The following CIRSR variants were observed in gnomAD, a reference collection of about 807,000 sequenced individuals.
CIRSR encodes the protein corepressor of RBPJ and splicing regulator.
chr2:174,380,625 T>G, the CIRSR span: 2 of 1,594,422 alleles, frequency 1.3e-6, no homozygotes, highest in South Asian at 1.1e-5. Context: ...ATACATATCT[T>G]GTCTTAAAAG....
At chr2:174,368,506 T>C in the CIRSR span, among the ~76,000 whole-genome samples, 1 of 152,160 alleles carries the variant, frequency 6.6e-6, no homozygotes. Context: ...AAGAGAAAGT[T>C]AAAAAATATA....
chr2:174,348,945 TGC>T, the CIRSR span: 1 of 1,606,662 alleles, frequency 6.2e-7, no homozygotes. Context: ...ACTGTTGTTA[TGC>T]CCTGAACACT....
At chr2:174,363,125 A>G in the CIRSR span, among the ~76,000 whole-genome samples, 1 of 152,206 alleles carries the variant, frequency 6.6e-6, no homozygotes, top group East Asian at 1.9e-4. Context: ...CCAAGCCTAC[A>G]TGGGAAAATA....
chr2:174,370,000 T>C, the CIRSR span: 1 of 1,365,394 alleles, frequency 7.3e-7, no homozygotes, highest in Non-Finnish European at 9.8e-7. Flanking sequence ...AAACCTTCAA[T>C]TTGTAACACA....
the CIRSR span, among the ~76,000 whole-genome samples, chr2:174,357,800 G>A: frequency 2.0e-5 from 3 of 152,140 alleles, no homozygotes; most frequent in African/African-American, 7.2e-5. Context: ...TAAAAAAGGG[G>A]CTCAGTAGGA....
the CIRSR span, among the ~76,000 whole-genome samples, chr2:174,351,385 T>C: frequency 1.3e-5 from 2 of 152,204 alleles, no homozygotes; most frequent in African/African-American, 4.8e-5. Context: ...AGTTAGATAT[T>C]TTATCCACAT....
the CIRSR span, among the ~76,000 whole-genome samples, chr2:174,356,382 C>T: frequency 2.0e-5 from 3 of 152,072 alleles, no homozygotes; most frequent in East Asian, 5.8e-4. Context: ...GTGGGAGGAT[C>T]ACTTGAACAC....
chr2:174,355,433 C>G, the CIRSR span, among the ~76,000 whole-genome samples: 1 of 152,174 alleles, frequency 6.6e-6, no homozygotes, highest in Non-Finnish European at 1.5e-5. Context: ...TCATCTCAGC[C>G]AAGCCTTCAC....
At chr2:174,395,500 T>TG in the CIRSR span, 88 of 1,555,062 alleles carry the variant, frequency 5.7e-5, 1 homozygote, top group South Asian at 9.4e-4. Context: ...CAGCAGCCTC[T>TG]GGGAAGGCGG....
At chr2:174,368,807 G>A in the CIRSR span, among the ~76,000 whole-genome samples, 1 of 152,194 alleles carries the variant, frequency 6.6e-6, no homozygotes, top group African/African-American at 2.4e-5. Flanking sequence ...CTTTTCTCCT[G>A]AGCAGCAATT....
chr2:174,362,535 T>C, the CIRSR span, among the ~76,000 whole-genome samples: 9 of 148,280 alleles, frequency 6.1e-5, no homozygotes, highest in East Asian at 1.9e-3. Context: ...AAATCTTAAT[T>C]AGCCAGGCGT....
At chr2:174,369,926 A>G in the CIRSR span, 1 of 1,344,288 alleles carries the variant, frequency 7.4e-7, no homozygotes, top group Non-Finnish European at 9.9e-7. Flanking sequence ...TGACCCAGAG[A>G]CAAAGTAAGC....
At chr2:174,395,636 C>A in the CIRSR span, 2 of 1,614,190 alleles carry the variant, frequency 1.2e-6, no homozygotes, top group Non-Finnish European at 1.7e-6. Context: ...GGAACTGGAA[C>A]TAGGGAAAGC....
At chr2:174,392,846 A>C in the CIRSR span, among the ~76,000 whole-genome samples, 1 of 152,230 alleles carries the variant, frequency 6.6e-6, no homozygotes, top group Non-Finnish European at 1.5e-5. Flanking sequence ...GCAAATGTCT[A>C]GTAGATAGCT....
chr2:174,385,215 CAAA>C, the CIRSR span, among the ~76,000 whole-genome samples: 37 of 94,102 alleles, frequency 3.9e-4, no homozygotes, highest in Admixed American at 3.2e-3. Context: ...ACCTTCCTCT[CAAA>C]AAAAAAAAAA....
chr2:174,350,788 A>G, the CIRSR span: 1 of 1,388,522 alleles, frequency 7.2e-7, no homozygotes, highest in South Asian at 1.3e-5. Flanking sequence ...ATTTCAACAC[A>G]AGGTAGTTAG....
At chr2:174,383,277 ACTG>A in the CIRSR span, among the ~76,000 whole-genome samples, 1 of 152,224 alleles carries the variant, frequency 6.6e-6, no homozygotes, top group African/African-American at 2.4e-5. Flanking sequence ...ATGAGAAGTG[ACTG>A]CTAATGGGTA....
chr2:174,360,629 G>A, the CIRSR span, among the ~76,000 whole-genome samples: 1 of 152,180 alleles, frequency 6.6e-6, no homozygotes, highest in Non-Finnish European at 1.5e-5. Context: ...AGAGAGTTAT[G>A]ACTGTGATTG....
the CIRSR span, among the ~76,000 whole-genome samples, chr2:174,383,945 A>G: frequency 6.6e-6 from 1 of 152,070 alleles, no homozygotes; most frequent in Non-Finnish European, 1.5e-5. Flanking sequence ...AAAATTGTGT[A>G]GTCACTGTGA....
Sources: gnomAD v4.1 joint callset for allele counts (sites outside exome capture counted in the v4.1 genomes callset) on GRCh38, gnomAD v4.1.1 for gene constraint, MANE v1.5 for transcripts, NCBI Gene and HGNC (gene_info 2026-07-23, HGNC 2026-07-21) for gene names.